The following ZNF667 variants were observed in gnomAD, a reference collection of about 807,000 sequenced individuals.
ZNF667 encodes the protein zinc finger protein 667.
ZNF667 carries 13 observed loss-of-function variants against 31.8 expected under a neutral mutation model. The observed-to-expected ratio is 0.41, with a 90% CI of 0.27 to 0.65. The LOEUF is 0.65. ZNF667 is among the 30% of genes least tolerant of loss of function. ZNF667 has a pLI of 0.32. For missense variants in ZNF667, 642 were observed against 725.6 expected (o/e 0.88, Z 1.32); for synonymous variants, 228 against 247.1 (o/e 0.92, Z 0.73).
chr19:56,464,304 A>G (rs937645458), intron 3 of ZNF667, among the ~76,000 whole-genome samples: 5 of 152,206 alleles, frequency 3.3e-5, no homozygotes, highest in Non-Finnish European at 7.3e-5. Context: ...GAGCAACCTG[A>G]GCAATGTAGT....
chr19:56,467,012 T>C (rs1220686933), intron 3 of ZNF667: 1 of 456,488 alleles, frequency 2.2e-6, no homozygotes. Flanking sequence ...CTGTGCAAGA[T>C]CCAAGAACCC....
intron 3 of ZNF667, among the ~76,000 whole-genome samples, chr19:56,464,300 C>T (rs1263955020): frequency 6.6e-6 from 1 of 152,162 alleles, no homozygotes; most frequent in Admixed American, 6.5e-5. Context: ...TTGAGAGCAA[C>T]CTGAGCAATG....
intron 3 of ZNF667, among the ~76,000 whole-genome samples, chr19:56,463,852 T>C (rs553288627): frequency 6.6e-6 from 1 of 152,214 alleles, no homozygotes; most frequent in East Asian, 1.9e-4. Flanking sequence ...TCCAATCTAT[T>C]CACTATTAAA....
rs371009489 is a variant in ZNF667, at chr19:56,441,879, G to C, written c.1116C>G (p.Thr372=). 3 of 1,613,986 alleles carry C rather than the reference G, an allele frequency of 1.9e-6. No homozygotes were observed. The highest frequency in any genetic ancestry group is 1.3e-5 in the African/African-American group (1 of 74,912). The change falls in exon 7 of 7, where the codon ACC becomes ACG. Residue 372 remains threonine (T), a synonymous_variant. Transcript: ENST00000504904. The surrounding 1 kb of genome is among the most constrained non-coding windows in gnomAD (Gnocchi z 4.2). Reference sequence around the variant, plus strand: ...TATGAATTCTTAGATGCAGAATAAGGGTTGAAAGCCGCCTGAAGAACTTGT... The same window carrying C: ...TATGAATTCTTAGATGCAGAATAAGCGTTGAAAGCCGCCTGAAGAACTTGT... ...KCDKFFRRLS[T]LILHLRIHNG... is the part of the protein sequence containing the mutation.
chr19:56,473,304 A>G lies in ZNF667; in HGVS notation c.-549+708T>C, dbSNP rs1288616255. On this transcript the variant is annotated intron_variant, in intron 2 of 6. Transcript: ENST00000504904. The stretch of plus-strand genomic sequence containing the variant: ...TTCCTCATATGTAAGATGAGACAAA[A>G]CACAGTAATGACTTCACAGGGTTGT... Among the ~76,000 whole-genome samples, 6 of 152,312 alleles carry G rather than the reference A, an allele frequency of 3.9e-5. No homozygotes were observed. The East Asian group carries it at 5.8e-4, about 15-fold the overall frequency.
intron 3 of ZNF667, chr19:56,468,467 T>G (rs1180642455): frequency 6.6e-6 from 1 of 152,180 alleles, no homozygotes; most frequent in Admixed American, 6.5e-5. Context: ...TTGCTTCGAG[T>G]TGTCCCACCT....
In ZNF667 at chr19:56,442,961, G is replaced by C. The variant is rs183078425; in HGVS notation, c.254-220C>G. Among the ~76,000 whole-genome samples, 16 of 152,226 alleles carry C rather than the reference G, an allele frequency of 1.1e-4. No homozygotes were observed. In the East Asian group the frequency reaches 2.3e-3, roughly 22 times the overall value. ...AAGAGTGTAATTTGAAAATGAATAA[G>C]ATTTTATTTATACGATAACTTTTAT... On this transcript the variant is annotated intron_variant, in intron 6 of 6. Transcript: ENST00000504904.
chr19:56,441,147 A>G lies in ZNF667; in HGVS notation c.*15T>C, dbSNP rs1464959585. The G allele has an allele frequency of 3.8e-6, 6 of 1,579,464 alleles. No homozygotes were observed. The highest frequency in any genetic ancestry group is 4.3e-6 in the Non-Finnish European group (5 of 1,161,720). On this transcript the variant is annotated 3_prime_UTR_variant, in exon 7 of 7. Coordinates refer to ENST00000504904, the MANE Select transcript of ZNF667 (RefSeq NM_001321356.2). This position sits in a 1 kb window ranked among gnomAD's most constrained non-coding sequence, Gnocchi z 4.2. ...TGATAGCCTCATTCGTTGATTTTAT[A>G]GATTTAAAACAACCTTAGGCTTTTT...
chr19:56,470,891 G>A (rs1172427598), intron 3 of ZNF667, among the ~76,000 whole-genome samples: 6 of 152,256 alleles, frequency 3.9e-5, no homozygotes, highest in South Asian at 2.1e-4. Flanking sequence ...CGGTGTGCTG[G>A]GGAATGTTTA....
chr19:56,467,076 A>G (rs888050450), intron 3 of ZNF667: 4 of 456,370 alleles, frequency 8.8e-6, no homozygotes, highest in African/African-American at 6.0e-5. Flanking sequence ...ACTGGGCAAG[A>G]AGGGGCGGGG....
At position 56,462,420 on chromosome 19, in the gene ZNF667, T is replaced by C. The variant is rs2043065039; in HGVS notation, c.-50A>G. 2 of 1,611,928 alleles carry C rather than the reference T, an allele frequency of 1.2e-6. No individual in the cohort carries two copies. The highest frequency in any genetic ancestry group is 1.7e-6 in the Non-Finnish European group (2 of 1,178,028). ...CACTGAGAGATGGGCAGAGAGCTGGTAAGGCAGGGCTGTGGGGAGAAGACA... is the reference window on the plus strand; with the variant it reads ...CACTGAGAGATGGGCAGAGAGCTGGCAAGGCAGGGCTGTGGGGAGAAGACA... On this transcript the variant is annotated 5_prime_UTR_variant, in exon 4 of 7. Coordinates refer to ENST00000504904, the MANE Select transcript of ZNF667 (RefSeq NM_001321356.2).
chr19:56,446,536 G>A (rs2042714112), intron 6 of ZNF667, among the ~76,000 whole-genome samples: 1 of 152,168 alleles, frequency 6.6e-6, no homozygotes, highest in Admixed American at 6.6e-5. Flanking sequence ...TGCTGGGTAT[G>A]TTATGCCACA....
chr19:56,440,648 T>C lies in ZNF667; in HGVS notation c.*514A>G. The C allele has an allele frequency of 1.0e-6, 1 of 961,196 alleles. No individual in the cohort carries two copies. The highest frequency in any genetic ancestry group is 1.2e-6 in the Non-Finnish European group (1 of 808,066). 59.5% of individuals were successfully genotyped at this position (961,196 alleles called of 1,614,324 possible). A position where few individuals can be genotyped will look rare whatever the true frequency, so the allele number is the denominator to read the frequency against. On this transcript the variant is annotated 3_prime_UTR_variant, in exon 7 of 7. Transcript: ENST00000504904. Reference sequence around the variant, plus strand: ...GAAGTAAAATATCGGTAATTTTTTTTTTTTTTGACACAGAGTCTTGCTCTG... The same window carrying C: ...GAAGTAAAATATCGGTAATTTTTTTCTTTTTTGACACAGAGTCTTGCTCTG...
chr19:56,446,970 A>G (rs983708019), intron 6 of ZNF667, among the ~76,000 whole-genome samples: 3 of 152,142 alleles, frequency 2.0e-5, no homozygotes, highest in African/African-American at 7.2e-5. Context: ...CCCATCTTCA[A>G]TGTGGAAATC....
chr19:56,456,090 C>T (rs2042925792), intron 6 of ZNF667, among the ~76,000 whole-genome samples: 1 of 152,202 alleles, frequency 6.6e-6, no homozygotes, highest in African/African-American at 2.4e-5. Context: ...AAATGAAATG[C>T]TGAACTTACA....
At chr19:56,475,537 A>G (rs10409864) in intron 1 of ZNF667, 86,978 of 151,828 alleles carry the variant, frequency 0.57, 25,648 homozygotes, top group Middle Eastern at 0.72. Flanking sequence ...GTCACAACCC[A>G]GAGGGAGGCG....
At chr19:56,448,543 C>T (rs1335124830) in intron 6 of ZNF667, among the ~76,000 whole-genome samples, 1 of 152,050 alleles carries the variant, frequency 6.6e-6, no homozygotes, top group Non-Finnish European at 1.5e-5. Context: ...TATCAACTCT[C>T]TCCCAACTCC....
intron 3 of ZNF667, chr19:56,469,799 G>T (rs1011961005): frequency 2.5e-6 from 1 of 398,536 alleles, no homozygotes; most frequent in African/African-American, 2.0e-5. Context: ...AAGTGCCTTA[G>T]ACCAGCATCC....
intron 3 of ZNF667, chr19:56,467,079 G>T: frequency 4.4e-6 from 2 of 455,202 alleles, no homozygotes; most frequent in Non-Finnish European, 8.8e-6. Context: ...GGGCAAGAAG[G>T]GGCGGGGTCC....
Sources: gnomAD v4.1 joint callset for allele counts (sites outside exome capture counted in the v4.1 genomes callset) on GRCh38, gnomAD v4.1.1 for gene constraint, Gnocchi (gnomAD v3.1) non-coding constraint, MANE v1.5 for transcripts, NCBI Gene and HGNC (gene_info 2026-07-23, HGNC 2026-07-21) for gene names.